The following KCNK6 variants were observed in gnomAD, a reference collection of about 807,000 sequenced individuals.
KCNK6 encodes the protein potassium channel subfamily K member 6.
A neutral mutation model predicts 21.9 loss-of-function variants in KCNK6; 20 were observed. The ratio of observed to expected loss-of-function variants is 0.91; its 90% CI spans 0.64 to 1.32. The LOEUF is 1.32. KCNK6 is among the 40% of genes most tolerant of loss of function. The pLI is 0.00. For synonymous variants in KCNK6, 210 were observed against 218.0 expected (o/e 0.96, Z 0.32); for missense variants, 415 against 433.1 (o/e 0.96, Z 0.37).
intron 1 of KCNK6, among the ~76,000 whole-genome samples, chr19:38,324,869 G>A (rs773770468): frequency 1.9e-4 from 29 of 152,238 alleles, no homozygotes; most frequent in Admixed American, 1.2e-3. Flanking sequence ...TGGGGTTACA[G>A]GTGTGAACCA....
Position 38,327,398 on chromosome 19 carries a change from A to G in KCNK6, c.937A>G (p.Arg313Gly), listed in dbSNP as rs1803348258. 6.2e-7 allele frequency: 1 copy of G among 1,607,282 alleles called. No individual in the cohort carries two copies. The change falls in exon 3 of 3, where the codon AGG becomes GGG. Residue 313 changes from arginine (R) to glycine (G), a missense_variant. Physicochemically the swap from Arg to Gly is moderately radical, Grantham distance 125. Transcript: ENST00000263372. ...SSHTDYASIP[R>G] is the part of the protein sequence containing the mutation. ...CCACACCGACTACGCTTCCATCCCC[A>G]GGTAGCTGGGGCAGCCTCTGCCAGG...
rs1029569756 is a variant in KCNK6 at position 38,327,941 on chromosome 19, T to C, written c.*538T>C. ...TGTGTGCTGGCCCTGTGCTAGACAG[T>C]GCTGGAGACATAGTTGGGGGTGGAG... On this transcript the variant is annotated 3_prime_UTR_variant, in exon 3 of 3. Coordinates refer to ENST00000263372, the MANE Select transcript of KCNK6 (RefSeq NM_004823.3). The C allele has an allele frequency of 1.2e-5, 2 of 162,342 alleles. No homozygotes were observed. The highest frequency in any genetic ancestry group is 2.4e-5 in the African/African-American group (1 of 41,660). 10.1% of individuals were successfully genotyped at this position (162,342 alleles called of 1,614,324 possible).
At chr19:38,325,151 C>G (rs1323358820) in intron 1 of KCNK6, 2 of 150,006 alleles carry the variant, frequency 1.3e-5, no homozygotes, top group African/African-American at 2.5e-5. Flanking sequence ...GATTCTTGCT[C>G]TGTCACCCAG....
At chr19:38,323,469 C>T (rs1456639075) in intron 1 of KCNK6, among the ~76,000 whole-genome samples, 3 of 152,212 alleles carry the variant, frequency 2.0e-5, no homozygotes, top group Non-Finnish European at 4.4e-5. Context: ...CAGGAGGAAG[C>T]GGGTAGTCCT....
intron 1 of KCNK6, chr19:38,325,463 GC>G: frequency 1.0e-6 from 1 of 985,418 alleles, no homozygotes; most frequent in South Asian, 4.7e-5. Context: ...TCAGAGCCAG[GC>G]AAGAGCCTGC....
rs151217694 is a variant in KCNK6 at position 38,328,610 on chromosome 19, AAGGAGGATCGCTTGAGGCC to A, written c.*1213_*1231del. 9,074 of 152,300 alleles carry A rather than the reference AAGGAGGATCGCTTGAGGCC, an allele frequency of 0.06. 467 individuals carry two copies. The highest frequency in any genetic ancestry group is 0.27 in the East Asian group (1,409 of 5,160). 9.4% of individuals were successfully genotyped at this position (152,300 alleles called of 1,614,324 possible). Reference sequence around the variant, plus strand: ...CACCCAGCACTTTGGAAGGCTGAGGAAGGAGGATCGCTTGAGGCCAGGAGTTTGAGACTAGCCTAGGCAA... The same window carrying A: ...CACCCAGCACTTTGGAAGGCTGAGGAAGGAGTTTGAGACTAGCCTAGGCAA... On this transcript the variant is annotated 3_prime_UTR_variant, in exon 3 of 3. Coordinates refer to ENST00000263372, the MANE Select transcript of KCNK6 (RefSeq NM_004823.3).
In KCNK6 at chr19:38,326,915, C is replaced by A. The variant is rs772880129; in HGVS notation, c.645C>A (p.Ile215=). ...TCTGCTTTATCTCTCTGTCCACCAT[C>A]GGCCTGGGCGACTACGTGCCCGGGG... The part of the protein sequence containing the change: ...FYFCFISLST[I]GLGDYVPGEA... Residue 215 remains isoleucine (I), a synonymous_variant, in exon 2 of 3, where the codon ATC becomes ATA. Coordinates refer to ENST00000263372, the MANE Select transcript of KCNK6 (RefSeq NM_004823.3). The A allele has an allele frequency of 1.2e-6, 2 of 1,610,868 alleles. No individual in the cohort carries two copies. The highest frequency in any genetic ancestry group is 1.3e-5 in the African/African-American group (1 of 74,934).
At chr19:38,320,338 G>A (rs1309065991) in intron 1 of KCNK6, 66 bp downstream of exon 1, 2 of 1,551,394 alleles carry the variant, frequency 1.3e-6, no homozygotes, top group African/African-American at 2.7e-5. Flanking sequence ...TAACCCCTGG[G>A]GACCCCGGGG....
At chr19:38,321,869 G>C (rs1429429556) in intron 1 of KCNK6, among the ~76,000 whole-genome samples, 2 of 152,196 alleles carry the variant, frequency 1.3e-5, no homozygotes, top group African/African-American at 4.8e-5. Flanking sequence ...TCCCTGGCAG[G>C]GCAGATGAGG....
Position 38,320,098 on chromosome 19 carries a change from C to T in KCNK6, c.148C>T (p.Arg50Cys), listed in dbSNP as rs1483776992. 6.4e-7 allele frequency: 1 copy of T among 1,557,412 alleles called. No homozygotes were observed. The highest frequency in any genetic ancestry group is 2.4e-5 in the East Asian group (1 of 41,712). The change falls in exon 1 of 3, where the codon CGC becomes TGC. Residue 50 changes from arginine to cysteine, a missense_variant. Physicochemically the swap from Arg to Cys is radical, Grantham distance 180. Transcript: ENST00000263372. ...LETLRAQLLQRSPCVAAPALD... is the reference protein window; with the variant it reads ...LETLRAQLLQCSPCVAAPALD... The stretch of plus-strand genomic sequence containing the variant: ...GACGCTGCGGGCGCAGCTGCTTCAG[C>T]GCAGCCCGTGTGTGGCTGCCCCCGC...
chr19:38,321,025 TTATCTC>T (rs1379432468), intron 1 of KCNK6, among the ~76,000 whole-genome samples: 16 of 151,870 alleles, frequency 1.1e-4, no homozygotes, highest in Non-Finnish European at 1.8e-4. Flanking sequence ...ACCCCTGACT[TTATCTC>T]TAGTCTGGGC....
intron 1 of KCNK6, among the ~76,000 whole-genome samples, chr19:38,321,358 C>CA (rs1969650059): frequency 6.6e-6 from 1 of 152,224 alleles, no homozygotes; most frequent in South Asian, 2.1e-4. Context: ...TACCCCACCC[C>CA]ATCTTGACAT....
At position 38,327,179 on chromosome 19, in the gene KCNK6, G is replaced by T. The variant is rs1157133425; in HGVS notation, c.719-1G>T. The T allele has an allele frequency of 1.1e-5, 17 of 1,611,566 alleles. No individual in the cohort carries two copies. Among genetic ancestry groups the T allele is most frequent in the Non-Finnish European group, 1.4e-5 (17 of 1,180,010 alleles). On this transcript the variant is annotated splice_acceptor_variant, in intron 2 of 2. Transcript: ENST00000263372. LOFTEE classifies it high-confidence loss of function. ...CCAACGCCCCTTCTCCGCCTTTACA[G>T]TCTACCTCTTCCTGGGCCTGGTGGC...
At position 38,319,858 on chromosome 19, in the gene KCNK6, C is replaced by T; in HGVS notation, c.-93C>T. ...GGGGCATCTGCTGCCGCGCCTGTAG[C>T]ACTCCCGGAACTGGAACTAGGTGCC... On this transcript the variant is annotated 5_prime_UTR_variant, in exon 1 of 3. Coordinates refer to ENST00000263372, the MANE Select transcript of KCNK6 (RefSeq NM_004823.3). 2.5e-6 allele frequency: 3 copies of T among 1,218,216 alleles called. No homozygotes were observed. The highest frequency in any genetic ancestry group is 2.1e-6 in the Non-Finnish European group (2 of 942,842). The allele number at this position is 1,218,216 out of a possible 1,614,324, so 75.5% of individuals were successfully genotyped here. A position where few individuals can be genotyped will look rare whatever the true frequency, so the allele number is the denominator to read the frequency against.
chr19:38,325,511 C>T (rs942825643), intron 1 of KCNK6: 221 of 985,316 alleles, frequency 2.2e-4, no homozygotes, highest in Middle Eastern at 5.2e-4. Context: ...ACTGATCGAG[C>T]GCCCACAGCA....
At position 38,319,992 on chromosome 19, in the gene KCNK6, C is replaced by A; in HGVS notation, c.42C>A (p.Tyr14Ter). ...GALLAGALAAYAAYLVLGALL... is the reference protein window; with the variant it reads ...GALLAGALAA Reference sequence around the variant, plus strand: ...TTCTGGCGGGCGCCTTGGCCGCGTACGCCGCGTACCTGGTGCTGGGCGCGC... The same window carrying A: ...TTCTGGCGGGCGCCTTGGCCGCGTAAGCCGCGTACCTGGTGCTGGGCGCGC... The change falls in exon 1 of 3, where the codon TAC becomes TAA. Residue 14 changes from tyrosine (Y) to a stop codon, truncating the protein, a stop_gained. Coordinates refer to ENST00000263372, the MANE Select transcript of KCNK6 (RefSeq NM_004823.3). LOFTEE classifies it high-confidence loss of function. 6.8e-7 allele frequency: 1 copy of A among 1,476,064 alleles called. No homozygotes were observed. Among genetic ancestry groups the A allele is most frequent in the Non-Finnish European group, 8.9e-7 (1 of 1,123,718 alleles). 91.4% of individuals were successfully genotyped at this position (1,476,064 alleles called of 1,614,324 possible). A position where few individuals can be genotyped will look rare whatever the true frequency, so the allele number is the denominator to read the frequency against.
chr19:38,327,104 G>A, intron 2 of KCNK6, 76 bp from the exon 3 acceptor site: 2 of 1,579,972 alleles, frequency 1.3e-6, no homozygotes, highest in Non-Finnish European at 8.6e-7. Context: ...CCACCCTGCA[G>A]GGTCCAGTAG....
chr19:38,327,105 G>A (rs936747650), intron 2 of KCNK6, 75 bp from the exon 3 acceptor site: 17 of 1,579,724 alleles, frequency 1.1e-5, no homozygotes, highest in South Asian at 1.0e-4. Context: ...CACCCTGCAG[G>A]GTCCAGTAGA....
chr19:38,328,878 G>GAGAAAGAAAAAAAGAAAGAAAGAA lies in KCNK6; in HGVS notation c.*1484_*1485insAAAAGAAAGAAAGAAAGAAAGAAA, dbSNP rs1969741609. ...AGAGAGAAAGAAAGAAAGAAAGAGA[G>GAGAAAGAAAAAAAGAAAGAAAGAA]AGAAAGAAAGAAAGAAAGAAAGGGA... On this transcript the variant is annotated 3_prime_UTR_variant, in exon 3 of 3. Transcript: ENST00000263372. 7.4e-6 allele frequency: 1 copy of GAGAAAGAAAAAAAGAAAGAAAGAA among 135,668 alleles called. No individual in the cohort carries two copies. Among genetic ancestry groups the GAGAAAGAAAAAAAGAAAGAAAGAA allele is most frequent in the Non-Finnish European group, 1.6e-5 (1 of 63,614 alleles). 8.4% of individuals were successfully genotyped at this position (135,668 alleles called of 1,614,324 possible).
Sources: gnomAD v4.1 joint callset for allele counts (sites outside exome capture counted in the v4.1 genomes callset) on GRCh38, gnomAD v4.1.1 for gene constraint, MANE v1.5 for transcripts, NCBI Gene and HGNC (gene_info 2026-07-23, HGNC 2026-07-21) for gene names.